Variants in MB21D2 observed in about 807,000 individuals in gnomAD.
The protein encoded by MB21D2 is Mab-21 domain containing 2, also known as nucleotidyltransferase MB21D2.
In MB21D2, 9 loss-of-function variants were observed where a neutral mutation model predicts 33.3. The observed-to-expected ratio is 0.27, with a 90% confidence interval of 0.16 to 0.47. The LOEUF (loss-of-function observed/expected upper bound fraction) is 0.47, where lower values mean the gene tolerates loss of function less well. MB21D2 is among the 20% of genes least tolerant of loss of function. The probability of loss-of-function intolerance (pLI) is 0.99; values close to 1 mark genes in which losing one functional copy is unlikely to be tolerated. For missense variants in MB21D2, 540 were observed against 624.6 expected (o/e 0.86, Z 1.44); for synonymous variants, 241 against 236.3 (o/e 1.02, Z -0.18).
At chr3:192,827,086 C>T (rs1419639461) in intron 1 of MB21D2, among the ~76,000 whole-genome samples, 3 of 152,012 alleles carry the variant, frequency 2.0e-5, no homozygotes, top group South Asian at 2.1e-4. Flanking sequence ...TTAGTAGAGA[C>T]GGGGTTTCAC....
intron 1 of MB21D2, among the ~76,000 whole-genome samples, chr3:192,800,146 G>A (rs188312083): frequency 7.3e-4 from 111 of 152,078 alleles, no homozygotes; most frequent in Admixed American, 1.6e-3. Context: ...GGCTCTTTGC[G>A]CTTACACTCT....
intron 1 of MB21D2, among the ~76,000 whole-genome samples, chr3:192,871,993 T>A (rs1202478695): frequency 6.6e-6 from 1 of 152,172 alleles, no homozygotes; most frequent in East Asian, 1.9e-4. Context: ...GCTGAACTAA[T>A]CTTATGACAT....
At chr3:192,835,455 C>CAA (rs34280688) in intron 1 of MB21D2, among the ~76,000 whole-genome samples, 8,697 of 60,974 alleles carry the variant, frequency 0.14, 975 homozygotes, top group African/African-American at 0.23. Context: ...GACTCTGTCT[C>CAA]AAAAAAAAAA....
intron 1 of MB21D2, among the ~76,000 whole-genome samples, chr3:192,806,096 A>AG (rs1352411233): frequency 1.3e-5 from 2 of 152,234 alleles, no homozygotes; most frequent in African/African-American, 4.8e-5. Context: ...TGGCAGGCAG[A>AG]GGGCAGGCTG....
chr3:192,861,610 C>A (rs1713043585), intron 1 of MB21D2, among the ~76,000 whole-genome samples: 1 of 152,128 alleles, frequency 6.6e-6, no homozygotes. Flanking sequence ...AGTTCGAGAC[C>A]AGCCTGACCA....
At chr3:192,839,592 A>G (rs889469690) in intron 1 of MB21D2, among the ~76,000 whole-genome samples, 3 of 152,234 alleles carry the variant, frequency 2.0e-5, no homozygotes, top group African/African-American at 7.2e-5. Context: ...ATTTGCAGGT[A>G]TGTCTACATA....
At chr3:192,916,588 C>T (rs1015011489) in intron 1 of MB21D2, among the ~76,000 whole-genome samples, 1 of 152,252 alleles carries the variant, frequency 6.6e-6, no homozygotes, top group East Asian at 1.9e-4. Context: ...CCACGCACCG[C>T]TTGACAGCCA....
intron 1 of MB21D2, among the ~76,000 whole-genome samples, chr3:192,896,521 C>T (rs1295309457): frequency 6.6e-6 from 1 of 152,120 alleles, no homozygotes; most frequent in African/African-American, 2.4e-5. Flanking sequence ...CCCAACTTTC[C>T]TTCATATTTA....
At chr3:192,870,847 A>C (rs1317091905) in intron 1 of MB21D2, among the ~76,000 whole-genome samples, 1 of 152,134 alleles carries the variant, frequency 6.6e-6, no homozygotes, top group Admixed American at 6.6e-5. Context: ...CTTAAGGCCA[A>C]AATATATTAT....
At chr3:192,860,441 T>A (rs1713017661) in intron 1 of MB21D2, among the ~76,000 whole-genome samples, 1 of 152,200 alleles carries the variant, frequency 6.6e-6, no homozygotes, top group Non-Finnish European at 1.5e-5. Flanking sequence ...AACAAGTATA[T>A]TTCAAAAGGA....
intron 1 of MB21D2, among the ~76,000 whole-genome samples, chr3:192,844,703 C>T (rs564256069): frequency 2.4e-4 from 36 of 152,292 alleles, no homozygotes; most frequent in Non-Finnish European, 4.4e-4. Context: ...GGCTCCAGGG[C>T]GAGAGGAAAT....
chr3:192,916,599 C>A (rs965949108), intron 1 of MB21D2, among the ~76,000 whole-genome samples: 4 of 152,260 alleles, frequency 2.6e-5, no homozygotes, highest in Non-Finnish European at 1.5e-5. Context: ...TTGACAGCCA[C>A]GGATCCGCTG....
intron 1 of MB21D2, among the ~76,000 whole-genome samples, chr3:192,893,802 AC>A (rs1713906219): frequency 6.6e-6 from 1 of 152,106 alleles, no homozygotes; most frequent in African/African-American, 2.4e-5. Flanking sequence ...TGGGAGGCCC[AC>A]GGTGGGAGGA....
At chr3:192,905,453 A>ATCTT (rs1714189418) in intron 1 of MB21D2, among the ~76,000 whole-genome samples, 1 of 151,922 alleles carries the variant, frequency 6.6e-6, no homozygotes, top group African/African-American at 2.4e-5. Context: ...CCTGACCAAC[A>ATCTT]TGGTGAAACC....
At chr3:192,891,913 G>A (rs962927946) in intron 1 of MB21D2, among the ~76,000 whole-genome samples, 6 of 152,004 alleles carry the variant, frequency 3.9e-5, no homozygotes, top group South Asian at 4.1e-4. Flanking sequence ...ATTACATTCC[G>A]ATGGTTGATT....
chr3:192,880,558 G>A (rs569079406), intron 1 of MB21D2, among the ~76,000 whole-genome samples: 3 of 152,160 alleles, frequency 2.0e-5, no homozygotes, highest in South Asian at 2.1e-4. Flanking sequence ...AACCTTGCCT[G>A]TCACCAGATG....
In MB21D2 at chr3:192,798,724, G is replaced by T. The variant is rs1166002555; in HGVS notation, c.1138C>A (p.Pro380Thr). 6.2e-7 allele frequency: 1 copy of T among 1,613,378 alleles called. No individual in the cohort carries two copies. Reference sequence around the variant, plus strand: ...AGATGTTCCAGCATGTTGCACTGAGGGATGAAATAATTGGGGCACATCTTG... The same window carrying T: ...AGATGTTCCAGCATGTTGCACTGAGTGATGAAATAATTGGGGCACATCTTG... ...VNKMCPNYFI[P>T]QCNMLEHLSE... The change falls in exon 2 of 2, where the codon CCT becomes ACT. Residue 380 changes from proline to threonine, a missense_variant. Coordinates refer to ENST00000392452, the MANE Select transcript of MB21D2 (RefSeq NM_178496.4). This position sits in a 1 kb window ranked among gnomAD's most constrained non-coding sequence, Gnocchi z 4.8.
chr3:192,866,429 G>A (rs1447067666), intron 1 of MB21D2, among the ~76,000 whole-genome samples: 1 of 152,076 alleles, frequency 6.6e-6, no homozygotes, highest in African/African-American at 2.4e-5. Flanking sequence ...GGGAACTGAC[G>A]CAAGGAAATC....
intron 1 of MB21D2, among the ~76,000 whole-genome samples, chr3:192,894,623 T>C (rs544567700): frequency 6.6e-6 from 1 of 152,074 alleles, no homozygotes; most frequent in Non-Finnish European, 1.5e-5. Flanking sequence ...ATTTTGCCCA[T>C]GTCCATAACA....
Sources: allele counts gnomAD v4.1 joint callset (sites outside exome capture counted in the v4.1 genomes callset), GRCh38; gene constraint gnomAD v4.1.1; non-coding constraint Gnocchi (gnomAD v3.1); transcripts MANE v1.5; gene names NCBI Gene and HGNC (gene_info 2026-07-23, HGNC 2026-07-21).